HDGFL2: variants seen among roughly 807,000 people sequenced by gnomAD.
HDGFL2 encodes HDGF like 2.
Under a neutral mutation model 77.1 loss-of-function variants are expected in HDGFL2, and 36 were observed. The ratio of observed to expected loss-of-function variants is 0.47; its 90% CI spans 0.36 to 0.62. The LOEUF (loss-of-function observed/expected upper bound fraction) is 0.62. Among genes scored for constraint, HDGFL2 ranks in the 20% least tolerant of loss-of-function variants. The pLI is 0.00. For synonymous variants in HDGFL2, 463 were observed against 413.1 expected (o/e 1.12, Z -1.46); for missense variants, 976 against 973.4 (o/e 1.00, Z -0.04).
intron 14 of HDGFL2, among the ~76,000 whole-genome samples, chr19:4,500,020 T>G: frequency 7.3e-6 from 1 of 137,036 alleles, no homozygotes; most frequent in African/African-American, 2.8e-5. Flanking sequence ...GAGAGGGGGG[T>G]GGCTCTGTGC....
chr19:4,475,031 G>C, intron 1 of HDGFL2: 1 of 525,992 alleles, frequency 1.9e-6, no homozygotes, highest in East Asian at 3.4e-5. Context: ...CTTTGCTCAG[G>C]TGGAGCACCT....
chr19:4,486,780 C>T (rs1975373063), intron 3 of HDGFL2, among the ~76,000 whole-genome samples: 1 of 152,150 alleles, frequency 6.6e-6, no homozygotes, highest in Admixed American at 6.6e-5. Flanking sequence ...CCACCCGCTT[C>T]TCTGTGCCCC....
intron 3 of HDGFL2, among the ~76,000 whole-genome samples, chr19:4,481,218 T>G (rs1975208339): frequency 7.4e-6 from 1 of 134,342 alleles, no homozygotes; most frequent in African/African-American, 2.8e-5. Context: ...TGTGATGGAG[T>G]CTTGCTCTGT....
chr19:4,483,233 G>C (rs1034163681), intron 3 of HDGFL2, among the ~76,000 whole-genome samples: 1 of 152,188 alleles, frequency 6.6e-6, no homozygotes, highest in African/African-American at 2.4e-5. Context: ...CGGGCCGAGC[G>C]GTGACGCTTC....
intron 14 of HDGFL2, among the ~76,000 whole-genome samples, chr19:4,500,006 C>T (rs1322710629): frequency 6.6e-6 from 1 of 150,866 alleles, no homozygotes; most frequent in Non-Finnish European, 1.5e-5. Flanking sequence ...CCCTGGGACG[C>T]CCAGAGAGGG....
At position 4,489,300 on chromosome 19, in the gene HDGFL2, C is replaced by T. The variant is rs536373590; in HGVS notation, c.489+424C>T. ...GATGGAGTTCCCTCTGTCACCCAGG[C>T]GGGAGTGCAGTGGCACGATCTTGGC... On this transcript the variant is annotated intron_variant, in intron 4 of 15. Transcript: ENST00000616600. Among the ~76,000 whole-genome samples the T allele has an allele frequency of 9.3e-5, 14 of 150,666 alleles. No individual in the cohort carries two copies. In the South Asian group the frequency reaches 2.5e-3, roughly 27 times the overall value.
At chr19:4,497,667 C>T in intron 10 of HDGFL2, 1 of 479,430 alleles carries the variant, frequency 2.1e-6, no homozygotes, top group Non-Finnish European at 3.7e-6. Flanking sequence ...CTCGCTGACT[C>T]TGGTAGACAA....
intron 6 of HDGFL2, among the ~76,000 whole-genome samples, chr19:4,492,802 C>G (rs115233373): frequency 1.5e-5 from 2 of 130,876 alleles, no homozygotes; most frequent in African/African-American, 6.0e-5. Flanking sequence ...TGTTTCTGGT[C>G]TGTGTGTTAT....
chr19:4,491,658 T>A lies in HDGFL2; in HGVS notation c.582T>A (p.Ser194=), dbSNP rs746743816. The change falls in exon 5 of 16, where the codon TCT becomes TCA. Residue 194 remains serine (S), a synonymous_variant. Coordinates refer to ENST00000616600, the MANE Select transcript of HDGFL2 (RefSeq NM_001001520.3). The stretch of plus-strand genomic sequence containing the variant: ...AAGAGGAGAACTCGGAAAGCTCATC[T>A]GAGTCGGAGAAGACCAGCGACCAGG... ...PSEEENSESS[S]ESEKTSDQDF... is the part of the protein sequence containing the mutation. 5 of 1,613,948 alleles carry A rather than the reference T, an allele frequency of 3.1e-6. No individual in the cohort carries two copies. The highest frequency in any genetic ancestry group is 3.4e-6 in the Non-Finnish European group (4 of 1,180,032).
chr19:4,488,191 G>A (rs911288088), intron 3 of HDGFL2, among the ~76,000 whole-genome samples: 1 of 152,164 alleles, frequency 6.6e-6, no homozygotes, highest in Non-Finnish European at 1.5e-5. Context: ...GGTTGGTCTC[G>A]AACACCTGAC....
At chr19:4,494,789 G>A (rs1012989765) in intron 9 of HDGFL2, among the ~76,000 whole-genome samples, 2 of 152,138 alleles carry the variant, frequency 1.3e-5, no homozygotes, top group African/African-American at 4.8e-5. Flanking sequence ...GTGGTGGTGT[G>A]CGCCTGTATA....
At chr19:4,488,949 GC>G (rs1321707740) in intron 4 of HDGFL2, 73 bp downstream of exon 4, 9 of 1,042,824 alleles carry the variant, frequency 8.6e-6, no homozygotes, top group Non-Finnish European at 1.1e-5. Context: ...TTGCTCTCCT[GC>G]CCTTTTTTTT....
At chr19:4,472,450 TG>T (rs57169858) in intron 1 of HDGFL2, 28 bp downstream of exon 1, 100,492 of 277,422 alleles carry the variant, frequency 0.36, 5,666 homozygotes, top group East Asian at 0.45. Context: ...ATGGGGCCGG[TG>T]GGGGGGGGGG....
Position 4,499,721 on chromosome 19 carries a change from G to T in HDGFL2, c.1789+17G>T, listed in dbSNP as rs778417999. On this transcript the variant is annotated intron_variant, in intron 14 of 15. Transcript: ENST00000616600. ...CCAGCACCGGTGAGGGGCGGGTGGG[G>T]TGGGCCCTGTACCTCAGTCTCCTCA... 5.3e-6 allele frequency: 8 copies of T among 1,503,716 alleles called. No homozygotes were observed. Among genetic ancestry groups the T allele is most frequent in the East Asian group, 2.3e-5 (1 of 42,720 alleles). 93.1% of individuals were successfully genotyped at this position (1,503,716 alleles called of 1,614,324 possible). A position where few individuals can be genotyped will look rare whatever the true frequency, so the allele number is the denominator to read the frequency against.
intron 1 of HDGFL2, 93 bp from the exon 2 acceptor site, chr19:4,475,182 C>G: frequency 9.4e-7 from 1 of 1,062,774 alleles, no homozygotes; most frequent in Non-Finnish European, 1.4e-6. Flanking sequence ...TCCCCTCCTC[C>G]CAGCGTGATT....
intron 3 of HDGFL2, among the ~76,000 whole-genome samples, chr19:4,487,968 C>A (rs557881916): frequency 3.1e-4 from 47 of 150,756 alleles, no homozygotes; most frequent in Non-Finnish European, 5.9e-4. Context: ...GGAACCATTT[C>A]TTTTCTTTTT....
At chr19:4,492,792 T>A (rs1035882897) in intron 6 of HDGFL2, among the ~76,000 whole-genome samples, 1 of 147,834 alleles carries the variant, frequency 6.8e-6, no homozygotes, top group African/African-American at 2.5e-5. Context: ...GTCTGGTGTG[T>A]GTTTCTGGTC....
intron 9 of HDGFL2, among the ~76,000 whole-genome samples, chr19:4,495,270 C>T (rs948930289): frequency 1.3e-5 from 2 of 151,252 alleles, no homozygotes; most frequent in African/African-American, 4.9e-5. Context: ...TGCCTGTAGT[C>T]CCAGCTACTC....
chr19:4,497,200 G>GTT (rs59161002), intron 10 of HDGFL2: 10 of 430,916 alleles, frequency 2.3e-5, no homozygotes, highest in African/African-American at 1.7e-4. Flanking sequence ...TTTTGTTTTT[G>GTT]TTTTTTTTTG....
Sources: allele counts gnomAD v4.1 joint callset (sites outside exome capture counted in the v4.1 genomes callset), GRCh38; gene constraint gnomAD v4.1.1; transcripts MANE v1.5; gene names NCBI Gene and HGNC (gene_info 2026-07-23, HGNC 2026-07-21).